The following RBM47 variants were observed in gnomAD, a reference collection of about 807,000 sequenced individuals.
RBM47 encodes the protein RNA-binding protein 47.
In RBM47, 21 loss-of-function variants were observed where a neutral mutation model predicts 47.1. The ratio of observed to expected loss-of-function variants is 0.45; its 90% CI spans 0.32 to 0.64. The LOEUF is 0.64. Ranked by LOEUF, RBM47 falls within the 30% of genes least tolerant of loss-of-function variation. RBM47 has a pLI of 0.05. For missense variants in RBM47, 708 were observed against 870.9 expected (o/e 0.81, Z 2.35); for synonymous variants, 375 against 361.7 (o/e 1.04, Z -0.42).
Position 40,616,911 on chromosome 4 carries a change from T to C in RBM47, c.-240+12485A>G, listed in dbSNP as rs1274172512. 1.5e-4 allele frequency among the ~76,000 whole-genome samples: 21 copies of C among 144,576 alleles called. No homozygotes were observed. In the East Asian group the frequency reaches 4.2e-3, roughly 29 times the overall value. The allele number at this position is 144,576 out of a possible 152,430, so 94.8% of individuals were successfully genotyped here. A position where few individuals can be genotyped will look rare whatever the true frequency, so the allele number is the denominator to read the frequency against. On this transcript the variant is annotated intron_variant, in intron 1 of 6. Coordinates refer to ENST00000295971, the MANE Select transcript of RBM47 (RefSeq NM_001098634.2). Reference sequence around the variant, plus strand: ...TTTTTTTTGAGACAGAGTCTTGCTCTGTCGCCCAGGCTGGAGTGCAGTGGC... The same window carrying C: ...TTTTTTTTGAGACAGAGTCTTGCTCCGTCGCCCAGGCTGGAGTGCAGTGGC...
At chr4:40,620,764 G>A (rs1737192849) in intron 1 of RBM47, among the ~76,000 whole-genome samples, 1 of 151,880 alleles carries the variant, frequency 6.6e-6, no homozygotes, top group African/African-American at 2.4e-5. Flanking sequence ...TAACTCCTGG[G>A]CTCAAGCAAT....
chr4:40,439,015 G>A, intron 3 of RBM47, 91 bp from the exon 4 acceptor site: 4 of 1,131,314 alleles, frequency 3.5e-6, no homozygotes, highest in Non-Finnish European at 3.6e-6. Flanking sequence ...TGCATTAATA[G>A]GCCACGGGGA....
At chr4:40,615,337 G>T (rs1207113032) in intron 1 of RBM47, among the ~76,000 whole-genome samples, 1 of 152,014 alleles carries the variant, frequency 6.6e-6, no homozygotes. Flanking sequence ...CAGCTACTTG[G>T]GAAGCCGAGG....
chr4:40,449,068 T>TG (rs1714999234), intron 3 of RBM47, among the ~76,000 whole-genome samples: 1 of 152,178 alleles, frequency 6.6e-6, no homozygotes, highest in African/African-American at 2.4e-5. Context: ...ACGCCCACTC[T>TG]CGGGCAGGCC....
chr4:40,434,568 A>G (rs1295875658), intron 5 of RBM47, among the ~76,000 whole-genome samples: 1 of 151,954 alleles, frequency 6.6e-6, no homozygotes, highest in Non-Finnish European at 1.5e-5. Context: ...GACGACTCCC[A>G]TATCCAGGCT....
chr4:40,506,174 G>A (rs2154251748), intron 2 of RBM47, among the ~76,000 whole-genome samples: 1 of 152,260 alleles, frequency 6.6e-6, no homozygotes, highest in African/African-American at 2.4e-5. Context: ...CAGAATAAAA[G>A]TCTTTGTTTT....
intron 1 of RBM47, among the ~76,000 whole-genome samples, chr4:40,594,532 G>A (rs1490645101): frequency 1.3e-5 from 2 of 152,022 alleles, no homozygotes; most frequent in Non-Finnish European, 2.9e-5. Flanking sequence ...GACATTCAAG[G>A]CCTCGCCTAA....
At chr4:40,562,529 GACCTCGGCTCACTGCA>G (rs1730730036) in intron 1 of RBM47, among the ~76,000 whole-genome samples, 1 of 146,596 alleles carries the variant, frequency 6.8e-6, no homozygotes. Context: ...GCACTGGTGC[GACCTCGGCTCACTGCA>G]ACCTCTGCCT....
chr4:40,440,381 G>A (rs1713434641), intron 3 of RBM47, among the ~76,000 whole-genome samples: 1 of 151,976 alleles, frequency 6.6e-6, no homozygotes, highest in African/African-American at 2.4e-5. Flanking sequence ...AAAAATCTTT[G>A]TAAAAACATC....
intron 3 of RBM47, among the ~76,000 whole-genome samples, chr4:40,442,275 A>G (rs10938155): frequency 0.29 from 44,129 of 152,062 alleles, 6,558 homozygotes; most frequent in East Asian, 0.47. Context: ...CTCTTACACC[A>G]ACTACAAGTA....
At chr4:40,596,282 G>A (rs1034295187) in intron 1 of RBM47, among the ~76,000 whole-genome samples, 1 of 152,186 alleles carries the variant, frequency 6.6e-6, no homozygotes, top group Non-Finnish European at 1.5e-5. Flanking sequence ...GAGGTGGGAG[G>A]AGAAAGGTGG....
At chr4:40,625,047 A>C (rs1341933979) in intron 1 of RBM47, among the ~76,000 whole-genome samples, 1 of 151,506 alleles carries the variant, frequency 6.6e-6, no homozygotes, top group Non-Finnish European at 1.5e-5. Context: ...ACAGGGTTTC[A>C]CCCTATTGGC....
intron 1 of RBM47, among the ~76,000 whole-genome samples, chr4:40,611,597 C>T (rs980521990): frequency 5.9e-5 from 9 of 152,134 alleles, no homozygotes; most frequent in Admixed American, 3.9e-4. Flanking sequence ...GGTATCGTGG[C>T]GCATGCCTGT....
At chr4:40,498,757 T>A (rs919485117) in intron 2 of RBM47, among the ~76,000 whole-genome samples, 1 of 152,108 alleles carries the variant, frequency 6.6e-6, no homozygotes, top group Non-Finnish European at 1.5e-5. Context: ...TATAAGGCAT[T>A]TATACATAGC....
intron 2 of RBM47, among the ~76,000 whole-genome samples, chr4:40,466,900 G>A (rs1718137647): frequency 6.6e-6 from 1 of 151,576 alleles, no homozygotes; most frequent in South Asian, 2.1e-4. Context: ...AAGTGCAACT[G>A]CTTATCTGAT....
At chr4:40,576,317 T>C (rs1732329345) in intron 1 of RBM47, among the ~76,000 whole-genome samples, 1 of 149,934 alleles carries the variant, frequency 6.7e-6, no homozygotes, top group Non-Finnish European at 1.5e-5. Flanking sequence ...GCCTGATCAA[T>C]TTTTTAAAAA....
At chr4:40,532,391 C>T (rs968132572) in intron 2 of RBM47, among the ~76,000 whole-genome samples, 1 of 141,132 alleles carries the variant, frequency 7.1e-6, no homozygotes, top group African/African-American at 2.7e-5. Context: ...CGGCTCATTA[C>T]AACCTCCACC....
At chr4:40,579,206 A>G in intron 1 of RBM47, among the ~76,000 whole-genome samples, 1 of 151,826 alleles carries the variant, frequency 6.6e-6, no homozygotes, top group Non-Finnish European at 1.5e-5. Flanking sequence ...GCGGATCACG[A>G]GGTCAGGAGA....
At chr4:40,519,297 C>CTTTT (rs374404085) in intron 2 of RBM47, among the ~76,000 whole-genome samples, 6 of 130,104 alleles carry the variant, frequency 4.6e-5, no homozygotes, top group Admixed American at 8.1e-5. Context: ...CTCCTTCAAT[C>CTTTT]TTTTTTTTTT....
Sources: allele counts gnomAD v4.1 joint callset (sites outside exome capture counted in the v4.1 genomes callset), GRCh38; gene constraint gnomAD v4.1.1; transcripts MANE v1.5; gene names NCBI Gene and HGNC (gene_info 2026-07-23, HGNC 2026-07-21).